The following COL6A6 variants were observed in gnomAD, a reference collection of about 807,000 sequenced individuals.
COL6A6 encodes the protein collagen alpha-6(VI) chain.
A neutral mutation model predicts 208.6 loss-of-function variants in COL6A6; 183 were observed. The ratio of observed to expected loss-of-function variants is 0.88; its 90% CI spans 0.78 to 0.99. The LOEUF is 0.99. Among genes scored for constraint, COL6A6 ranks in the 50% least tolerant of loss-of-function variants. The pLI is 0.00. For synonymous variants in COL6A6, 973 were observed against 1,011.8 expected, an observed-to-expected ratio of 0.96 and a Z score of 0.73; for missense variants, 2,816 against 2,815.2, an observed-to-expected ratio of 1.00 and a Z score of -0.01.
intron 22 of COL6A6, 92 bp downstream of exon 22, chr3:130,609,056 C>G (rs1395279666): frequency 7.8e-6 from 7 of 903,156 alleles, no homozygotes; most frequent in Non-Finnish European, 1.2e-5. Flanking sequence ...TCAAATCTCC[C>G]TTGCAGAATT....
intron 7 of COL6A6, 82 bp from the exon 8 acceptor site, chr3:130,573,874 C>G: frequency 9.4e-7 from 1 of 1,062,030 alleles, no homozygotes; most frequent in Non-Finnish European, 1.4e-6. Context: ...CGGCCTATAG[C>G]TGCAAACATT....
intron 17 of COL6A6, among the ~76,000 whole-genome samples, chr3:130,593,488 C>A (rs1055835762): frequency 6.6e-6 from 1 of 152,150 alleles, no homozygotes; most frequent in Non-Finnish European, 1.5e-5. Flanking sequence ...CTGTCACTTA[C>A]CCTCCTGGGA....
chr3:130,647,929 G>T (rs911111607), intron 32 of COL6A6, among the ~76,000 whole-genome samples: 1 of 152,186 alleles, frequency 6.6e-6, no homozygotes, highest in Non-Finnish European at 1.5e-5. Flanking sequence ...GCAAAGAACT[G>T]CTCTTTGTTG....
At chr3:130,616,377 A>G (rs1177800427) in intron 23 of COL6A6, among the ~76,000 whole-genome samples, 6 of 152,162 alleles carry the variant, frequency 3.9e-5, no homozygotes, top group Non-Finnish European at 7.4e-5. Flanking sequence ...GGCATTCTGT[A>G]TAAATCAAAT....
At chr3:130,551,614 A>G (rs530448095) in intron 1 of COL6A6, among the ~76,000 whole-genome samples, 6 of 133,140 alleles carry the variant, frequency 4.5e-5, no homozygotes, top group Admixed American at 1.5e-4. Context: ...CCAACCCTGG[A>G]TTTGTTGATC....
intron 1 of COL6A6, among the ~76,000 whole-genome samples, chr3:130,524,335 A>G (rs2061911339): frequency 6.6e-6 from 1 of 152,258 alleles, no homozygotes; most frequent in South Asian, 2.1e-4. Context: ...CTTACCTAAT[A>G]GTCCATAGCA....
chr3:130,675,038 T>TA (rs2066324235), intron 36 of COL6A6, among the ~76,000 whole-genome samples, 164 bp from the exon 37 acceptor site: 1 of 152,226 alleles, frequency 6.6e-6, no homozygotes, highest in African/African-American at 2.4e-5. Flanking sequence ...CAGCTTCTGA[T>TA]ATATGAGCCA....
intron 1 of COL6A6, among the ~76,000 whole-genome samples, chr3:130,540,428 TGTTCACC>T (rs1245527875): frequency 6.6e-6 from 1 of 152,038 alleles, no homozygotes; most frequent in East Asian, 1.9e-4. Flanking sequence ...TAATGATATG[TGTTCACC>T]ATCATAGTAT....
intron 22 of COL6A6, among the ~76,000 whole-genome samples, chr3:130,610,111 G>C (rs1028479026): frequency 1.3e-5 from 2 of 151,596 alleles, no homozygotes; most frequent in African/African-American, 4.9e-5. Flanking sequence ...TTTTTTAATG[G>C]TGTAATTTAA....
chr3:130,573,972 A>G lies in COL6A6; in HGVS notation c.2994A>G (p.Lys998=). 6.2e-7 allele frequency: 1 copy of G among 1,609,560 alleles called. No individual in the cohort carries two copies. Among genetic ancestry groups the G allele is most frequent in the Non-Finnish European group, 8.5e-7 (1 of 1,176,106 alleles). Residue 998 remains lysine, a synonymous_variant, in exon 8 of 37, where the codon AAA becomes AAG. Transcript: ENST00000358511. Reference sequence around the variant, plus strand: ...TCTTTGTAGATTGTGAAATTGACAAAGTAGATCTTGTTTTCCTTATGGATG... The same window carrying G: ...TCTTTGTAGATTGTGAAATTGACAAGGTAGATCTTGTTTTCCTTATGGATG... ...NSSKVDCEID[K]VDLVFLMDGS...
chr3:130,548,979 C>T (rs1260382084), intron 1 of COL6A6, among the ~76,000 whole-genome samples: 1 of 152,142 alleles, frequency 6.6e-6, no homozygotes, highest in Non-Finnish European at 1.5e-5. Context: ...TAGGATGGCA[C>T]GATGACCTCC....
rs372978340 is a variant in COL6A6, at chr3:130,649,285, A to T, written c.5456A>T (p.Tyr1819Phe). Reference sequence around the variant, plus strand: ...CACCTTGTGCGCTTCTCAGACGCCTACAAGAAGAGTCAACTTCTCAGAGAA... The same window carrying T: ...CACCTTGTGCGCTTCTCAGACGCCTTCAAGAAGAGTCAACTTCTCAGAGAA... ...ARHLVRFSDAYKKSQLLREIE... is the reference protein window; with the variant it reads ...ARHLVRFSDAFKKSQLLREIE... Residue 1819 changes from tyrosine (Y) to phenylalanine (F), a missense_variant, in exon 33 of 37, where the codon TAC (tyrosine) becomes TTC (phenylalanine). Transcript: ENST00000358511. 7.5e-6 allele frequency: 12 copies of T among 1,605,020 alleles called. No homozygotes were observed. The highest frequency in any genetic ancestry group is 6.7e-5 in the East Asian group (3 of 44,622).
At chr3:130,606,300 C>A (rs1056624757) in intron 20 of COL6A6, among the ~76,000 whole-genome samples, 5 of 152,114 alleles carry the variant, frequency 3.3e-5, no homozygotes. Context: ...TTACATATGA[C>A]AGTGGCAGGA....
chr3:130,537,391 G>A (rs73870077), intron 1 of COL6A6, among the ~76,000 whole-genome samples: 13 of 152,176 alleles, frequency 8.5e-5, no homozygotes, highest in Middle Eastern at 3.4e-3. Flanking sequence ...GCTGTTATTC[G>A]TTCCAGAAAC....
intron 35 of COL6A6, among the ~76,000 whole-genome samples, 188 bp from the exon 36 acceptor site, chr3:130,664,815 G>A (rs1026836517): frequency 1.3e-5 from 2 of 152,156 alleles, no homozygotes; most frequent in Non-Finnish European, 1.5e-5. Context: ...ATTCAGAAGG[G>A]ATGTGTTTTC....
chr3:130,595,689 T>C (rs1016798104), intron 18 of COL6A6, among the ~76,000 whole-genome samples: 3 of 152,238 alleles, frequency 2.0e-5, no homozygotes, highest in African/African-American at 7.2e-5. Flanking sequence ...GAATATACCA[T>C]GATTTATTTG....
intron 19 of COL6A6, among the ~76,000 whole-genome samples, chr3:130,598,841 A>G (rs2063922320): frequency 6.6e-6 from 1 of 152,252 alleles, no homozygotes; most frequent in African/African-American, 2.4e-5. Flanking sequence ...TGGTAGATAG[A>G]CGTGGTCCAC....
At chr3:130,652,564 C>A (rs2065675003) in intron 33 of COL6A6, among the ~76,000 whole-genome samples, 1 of 152,154 alleles carries the variant, frequency 6.6e-6, no homozygotes, top group Non-Finnish European at 1.5e-5. Flanking sequence ...AAAGGCCCAC[C>A]CTGACGCTGG....
chr3:130,654,027 T>G (rs2065719593), intron 33 of COL6A6, among the ~76,000 whole-genome samples: 1 of 152,174 alleles, frequency 6.6e-6, no homozygotes, highest in South Asian at 2.1e-4. Flanking sequence ...GTAGAACATG[T>G]AGAATAGAAG....
Sources: gnomAD v4.1 joint callset for allele counts (sites outside exome capture counted in the v4.1 genomes callset) on GRCh38, gnomAD v4.1.1 for gene constraint, MANE v1.5 for transcripts, NCBI Gene and HGNC (gene_info 2026-07-23, HGNC 2026-07-21) for gene names.